The following CFAP92 variants were observed in gnomAD, a reference collection of about 807,000 sequenced individuals.
CFAP92 encodes the protein cilia and flagella associated protein 92 (putative).
A neutral mutation model predicts 106.3 loss-of-function variants in CFAP92; 86 were observed. The observed-to-expected ratio is 0.81, with a 90% confidence interval of 0.68 to 0.97. The LOEUF is 0.97. Ranked by LOEUF, CFAP92 falls within the 50% of genes least tolerant of loss-of-function variation. The probability of loss-of-function intolerance (pLI) is 0.00; values close to 1 mark genes in which losing one functional copy is unlikely to be tolerated. For missense variants in CFAP92, 1,204 were observed against 1,283.8 expected, an observed-to-expected ratio of 0.94 and a Z score of 0.95; for synonymous variants, 477 against 506.4, an observed-to-expected ratio of 0.94 and a Z score of 0.78.
chr3:128,992,021 G>T, intron 2 of CFAP92: 1 of 270,182 alleles, frequency 3.7e-6, no homozygotes, highest in Non-Finnish European at 5.7e-6. Flanking sequence ...CTGTGTGTCC[G>T]TGTTTCTAGA....
intron 9 of CFAP92, among the ~76,000 whole-genome samples, chr3:128,957,147 G>T (rs189164388): frequency 1.2e-4 from 19 of 152,242 alleles, no homozygotes; most frequent in Admixed American, 1.0e-3. Flanking sequence ...GGAAGTTCTT[G>T]AAACAGAAAG....
At chr3:128,977,521 T>C (rs1943234187) in intron 5 of CFAP92, among the ~76,000 whole-genome samples, 1 of 152,190 alleles carries the variant, frequency 6.6e-6, no homozygotes, top group Non-Finnish European at 1.5e-5. Flanking sequence ...CTTTTATCTA[T>C]TCACTGAATT....
intron 1 of CFAP92, chr3:129,001,538 C>T: frequency 7.5e-7 from 1 of 1,341,806 alleles, no homozygotes; most frequent in Non-Finnish European, 9.5e-7. Context: ...CGCTAAGCCC[C>T]TCCTTTCGAG....
chr3:128,978,865 T>C (rs1327420733), intron 4 of CFAP92, among the ~76,000 whole-genome samples: 1 of 152,214 alleles, frequency 6.6e-6, no homozygotes, highest in Non-Finnish European at 1.5e-5. Context: ...GAAGAAAACC[T>C]AGGCATTACC....
intron 12 of CFAP92, among the ~76,000 whole-genome samples, chr3:128,920,692 C>T (rs961173891): frequency 1.3e-5 from 2 of 152,112 alleles, no homozygotes; most frequent in Non-Finnish European, 2.9e-5. Flanking sequence ...GCCTTTGGAA[C>T]ACCAAGCTCT....
the CFAP92 span, among the ~76,000 whole-genome samples, chr3:129,024,559 A>T: frequency 2.6e-5 from 4 of 151,972 alleles, no homozygotes; most frequent in African/African-American, 9.7e-5. Flanking sequence ...AAAGAAAAAG[A>T]AAAACAGAAA....
At chr3:128,977,187 G>T in intron 5 of CFAP92, 121 bp from the exon 6 acceptor site, 2 of 716,130 alleles carry the variant, frequency 2.8e-6, no homozygotes, top group East Asian at 2.7e-5. Context: ...ATGTGGTAAG[G>T]CCTGGGATAT....
intron 7 of CFAP92, among the ~76,000 whole-genome samples, chr3:128,975,445 ATGGATG>A (rs1943087494): frequency 6.9e-6 from 1 of 145,758 alleles, no homozygotes; most frequent in African/African-American, 2.8e-5. Flanking sequence ...GGATGGATGG[ATGGATG>A]GATGGATGGA....
At chr3:128,942,915 CCT>C (rs1491230565) in intron 10 of CFAP92, among the ~76,000 whole-genome samples, 2 of 129,176 alleles carry the variant, frequency 1.5e-5, no homozygotes, top group Non-Finnish European at 3.1e-5. Context: ...CAAAACTCAA[CCT>C]TTTTTTTTTT....
rs539022797 is a variant in CFAP92, at chr3:128,918,821, A to C, written c.2752-2550T>G. ...AATGTATAACTTAAGTCCACAGAAG[A>C]AAACTTGATCTATCCAAGGAACACA... On this transcript the variant is annotated intron_variant, in intron 12 of 15. Transcript: ENST00000645291. 2.0e-5 allele frequency among the ~76,000 whole-genome samples: 3 copies of C among 152,348 alleles called. No individual in the cohort carries two copies. The East Asian group carries it at 5.8e-4, about 29-fold the overall frequency.
At chr3:128,944,728 C>T (rs1940035036) in intron 10 of CFAP92, among the ~76,000 whole-genome samples, 1 of 152,144 alleles carries the variant, frequency 6.6e-6, no homozygotes, top group South Asian at 2.1e-4. Flanking sequence ...CCTAAGCAGC[C>T]CCTCCATCTT....
chr3:128,956,763 T>C (rs1941458370), intron 9 of CFAP92, among the ~76,000 whole-genome samples: 1 of 151,996 alleles, frequency 6.6e-6, no homozygotes, highest in Non-Finnish European at 1.5e-5. Context: ...GTGCATCACC[T>C]GAGGTCAGGA....
At chr3:128,984,589 G>A (rs1451300184) in intron 4 of CFAP92, among the ~76,000 whole-genome samples, 3 of 152,166 alleles carry the variant, frequency 2.0e-5, no homozygotes, top group Non-Finnish European at 2.9e-5. Context: ...TATTTTTGAG[G>A]TTTTGGGACT....
chr3:128,962,929 C>T (rs1303715639), intron 9 of CFAP92, among the ~76,000 whole-genome samples: 1 of 152,162 alleles, frequency 6.6e-6, no homozygotes, highest in East Asian at 1.9e-4. Flanking sequence ...CTCTACTACC[C>T]ATTATTCTGT....
chr3:128,950,819 T>A (rs1018216587), intron 9 of CFAP92, among the ~76,000 whole-genome samples: 5 of 152,176 alleles, frequency 3.3e-5, no homozygotes. Flanking sequence ...CTAGCATGTA[T>A]GAAAATCTCA....
intron 11 of CFAP92, 143 bp from the exon 12 acceptor site, chr3:128,933,140 A>G (rs1938584686): frequency 3.9e-6 from 3 of 761,574 alleles, no homozygotes; most frequent in East Asian, 2.7e-5. Flanking sequence ...AAGAGCTCCA[A>G]TTCCAGTCTG....
At chr3:128,981,239 C>T (rs937244773) in intron 4 of CFAP92, among the ~76,000 whole-genome samples, 2 of 151,382 alleles carry the variant, frequency 1.3e-5, no homozygotes, top group Middle Eastern at 3.4e-3. Flanking sequence ...GGTTTCACCA[C>T]GTTAGTTAGG....
chr3:129,002,300 T>C lies in CFAP92; in HGVS notation n.117+274A>G, dbSNP rs1312945393. On this transcript the variant is annotated intron_variant and non_coding_transcript_variant, in intron 1 of 4. Coordinates refer to the CFAP92 transcript ENST00000510149. ...ACCTGCGCGCCGCGCTGCAGAGCAG[T>C]GATGCGCGCTGCCTAGCACTGCAGG... 4.6e-6 allele frequency: 7 copies of C among 1,526,062 alleles called. No homozygotes were observed. The South Asian group carries it at 7.2e-5, about 16-fold the overall frequency. 94.5% of individuals were successfully genotyped at this position (1,526,062 alleles called of 1,614,324 possible). A position where few individuals can be genotyped will look rare whatever the true frequency, so the allele number is the denominator to read the frequency against.
In CFAP92 at chr3:128,945,980, G is replaced by A. The variant is rs1370627265; in HGVS notation, c.1354-5C>T. 10 of 1,427,554 alleles carry A rather than the reference G, an allele frequency of 7.0e-6. No homozygotes were observed. Among genetic ancestry groups the A allele is most frequent in the African/African-American group, 1.4e-5 (1 of 69,514 alleles). The allele number at this position is 1,427,554 out of a possible 1,614,324, so 88.4% of individuals were successfully genotyped here. On this transcript the variant is annotated splice_polypyrimidine_tract_variant and splice_region_variant and intron_variant, in intron 9 of 15. Coordinates refer to ENST00000645291, the MANE Select transcript of CFAP92 (RefSeq NM_001394090.1). Reference sequence around the variant, plus strand: ...GTACACAGGCATGCACAGCCTCTACGAGAGAGCAGGGCCACAGCAGGTCAC... The same window carrying A: ...GTACACAGGCATGCACAGCCTCTACAAGAGAGCAGGGCCACAGCAGGTCAC...
Sources: gnomAD v4.1 joint callset for allele counts (sites outside exome capture counted in the v4.1 genomes callset) on GRCh38, gnomAD v4.1.1 for gene constraint, MANE v1.5 for transcripts, NCBI Gene and HGNC (gene_info 2026-07-23, HGNC 2026-07-21) for gene names.